Variants in CDH2 observed in about 807,000 individuals in gnomAD.
CDH2 encodes the protein cadherin-2.
CDH2 carries 17 observed loss-of-function variants against 92.0 expected under a neutral mutation model. That is an observed-to-expected ratio of 0.18 (90% CI 0.13 to 0.28). CDH2 has a LOEUF of 0.28. Among genes scored for constraint, CDH2 ranks in the 10% least tolerant of loss-of-function variants. The probability of loss-of-function intolerance (pLI) is 1.00; values close to 1 mark genes in which losing one functional copy is unlikely to be tolerated. For synonymous variants in CDH2, 419 were observed against 415.9 expected (o/e 1.01, Z -0.09); for missense variants, 862 against 1,133.1 (o/e 0.76, Z 3.44).
intron 2 of CDH2, among the ~76,000 whole-genome samples, chr18:28,131,529 A>G (rs563571923): frequency 6.6e-6 from 1 of 152,320 alleles, no homozygotes; most frequent in East Asian, 1.9e-4. Flanking sequence ...CTGACCTAGA[A>G]AAAGCCCTTG....
downstream of CDH2, among the ~76,000 whole-genome samples, chr18:27,948,993 C>A (rs1909344522): frequency 6.6e-6 from 1 of 151,798 alleles, no homozygotes; most frequent in Non-Finnish European, 1.5e-5. Flanking sequence ...CCAGGAATGG[C>A]CTAGAAAAAC....
At chr18:28,009,969 A>C in intron 4 of CDH2, 97 bp from the exon 5 acceptor site, 2 of 864,974 alleles carry the variant, frequency 2.3e-6, no homozygotes, top group East Asian at 2.8e-5. Context: ...TTCAGCTACA[A>C]ACTTATACCA....
rs201205775 is a variant in CDH2, at chr18:28,003,001, C to T, written c.1016G>A (p.Arg339Gln). ...DIITVAAGLDREKVQQYTLII... is the reference protein window; with the variant it reads ...DIITVAAGLDQEKVQQYTLII... Reference sequence around the variant, plus strand: ...TAGAGTTTTTGGTTGGCTTACTTCTCGATCAAGTCCAGCTGCCACTGTGAT... The same window carrying T: ...TAGAGTTTTTGGTTGGCTTACTTCTTGATCAAGTCCAGCTGCCACTGTGAT... The change falls in exon 7 of 16, where the codon CGA (arginine) becomes CAA (glutamine). Residue 339 changes from arginine to glutamine, a missense_variant. Around this residue, in one of 5 missense-constraint regions of CDH2, gnomAD observed 564 missense variants for 722.2 expected, o/e 0.78. Coordinates refer to ENST00000269141, the MANE Select transcript of CDH2 (RefSeq NM_001792.5). 8 of 1,612,958 alleles carry T rather than the reference C, an allele frequency of 5.0e-6. No individual in the cohort carries two copies. The highest frequency in any genetic ancestry group is 3.3e-5 in the Admixed American group (2 of 59,992).
chr18:28,103,397 A>G (rs1402779684), intron 2 of CDH2, among the ~76,000 whole-genome samples: 1 of 147,178 alleles, frequency 6.8e-6, no homozygotes, highest in Non-Finnish European at 1.5e-5. Context: ...AAGTACATAT[A>G]TATAAAGTAT....
At chr18:27,941,324 C>T (rs1041860947) in intron 6 of CDH2, among the ~76,000 whole-genome samples, 10 of 152,054 alleles carry the variant, frequency 6.6e-5, no homozygotes, top group Non-Finnish European at 1.0e-4. Flanking sequence ...TGTGAGCCAC[C>T]GTACCTGGCC....
intron 15 of CDH2, among the ~76,000 whole-genome samples, chr18:27,957,719 C>G (rs1381691204): frequency 1.3e-5 from 2 of 152,132 alleles, no homozygotes; most frequent in Admixed American, 1.3e-4. Flanking sequence ...TCCTGCTCAG[C>G]ATCCTCTTCA....
rs67532914 is a variant in CDH2, at chr18:28,043,890, A to ATTTTTTTTTTTTTT, written c.173-29995_173-29982dup. Among the ~76,000 whole-genome samples, 31 of 91,468 alleles carry ATTTTTTTTTTTTTT rather than the reference A, an allele frequency of 3.4e-4. 2 individuals are homozygous for ATTTTTTTTTTTTTT. The highest frequency in any genetic ancestry group is 5.2e-4 in the Non-Finnish European group (24 of 46,004). The allele number at this position is 91,468 out of a possible 152,430, so 60.0% of individuals were successfully genotyped here. A position where few individuals can be genotyped will look rare whatever the true frequency, so the allele number is the denominator to read the frequency against. ...AGTCTCATCTTTCTCAGAATCTCGG[A>ATTTTTTTTTTTTTT]TTTTTTTTTTTTTTTTTTTTTTTTT... On this transcript the variant is annotated intron_variant, in intron 2 of 15. Transcript: ENST00000269141.
intron 2 of CDH2, among the ~76,000 whole-genome samples, chr18:28,087,664 A>G (rs2144204715): frequency 6.6e-6 from 1 of 152,308 alleles, no homozygotes; most frequent in East Asian, 1.9e-4. Flanking sequence ...TTGTTATATT[A>G]AAAATACTGT....
At chr18:28,039,605 A>G (rs2013909123) in intron 2 of CDH2, among the ~76,000 whole-genome samples, 1 of 152,210 alleles carries the variant, frequency 6.6e-6, no homozygotes, top group Admixed American at 6.5e-5. Flanking sequence ...ATAGGTTTCT[A>G]GCTCACACTT....
At chr18:27,985,381 A>AAAGGCCTTT in intron 12 of CDH2, 147 bp downstream of exon 12, 10 of 777,264 alleles carry the variant, frequency 1.3e-5, no homozygotes, top group Non-Finnish European at 2.0e-5. Flanking sequence ...TTTTGGCCGT[A>AAAGGCCTTT]AAGGCCTTTA....
intron 1 of CDH2, among the ~76,000 whole-genome samples, chr18:28,170,667 T>C (rs1275710833): frequency 2.0e-5 from 3 of 152,156 alleles, no homozygotes; most frequent in Admixed American, 6.5e-5. Flanking sequence ...TTTAGGTTCA[T>C]GACTATTCCC....
At position 28,009,659 on chromosome 18, in the gene CDH2, ACT is replaced by A. The variant is rs775655517; in HGVS notation, c.702+56_702+57del. 288 of 1,521,720 alleles carry A rather than the reference ACT, an allele frequency of 1.9e-4. 1 individual carries two copies. The highest frequency in any genetic ancestry group is 2.5e-4 in the Non-Finnish European group (273 of 1,113,214). The allele number at this position is 1,521,720 out of a possible 1,614,324, so 94.3% of individuals were successfully genotyped here. A position where few individuals can be genotyped will look rare whatever the true frequency, so the allele number is the denominator to read the frequency against. ...AGACTGATATAAGAGGCAATGGTAA[ACT>A]CTGCAGACATTTAGAACTGTTAATA... On this transcript the variant is annotated intron_variant, in intron 5 of 15. Transcript: ENST00000269141.
At chr18:27,966,059 A>AAAT (rs1263905421) in intron 14 of CDH2, among the ~76,000 whole-genome samples, 2 of 151,978 alleles carry the variant, frequency 1.3e-5, no homozygotes, top group African/African-American at 4.8e-5. Flanking sequence ...CTAAAAAATA[A>AAAT]AATATGTTTT....
At chr18:27,967,201 C>A (rs548632876) in intron 14 of CDH2, among the ~76,000 whole-genome samples, 1 of 152,232 alleles carries the variant, frequency 6.6e-6, no homozygotes, top group Non-Finnish European at 1.5e-5. Context: ...TTATCTACTG[C>A]AAATATGGGA....
chr18:28,020,284 A>G (rs2013372700), intron 2 of CDH2, among the ~76,000 whole-genome samples: 1 of 152,108 alleles, frequency 6.6e-6, no homozygotes, highest in South Asian at 2.1e-4. Flanking sequence ...AATCTTAGGT[A>G]TACCAGTAAT....
chr18:27,982,161 C>T (rs1355304761), intron 14 of CDH2, among the ~76,000 whole-genome samples: 1 of 152,152 alleles, frequency 6.6e-6, no homozygotes, highest in Non-Finnish European at 1.5e-5. Flanking sequence ...GAGAGCAGCA[C>T]CTAATGTACT....
rs199813460 is a variant in CDH2 at position 28,116,005 on chromosome 18, CA to C, written c.172+31667del. On this transcript the variant is annotated intron_variant, in intron 2 of 15. Transcript: ENST00000269141. ...TTTATTTAATGAAGTGGTTCTCAAC[CA>C]GGGGTGATTTTGGCTTCTGGTAAAA... is the stretch of plus-strand genomic sequence containing the variant. Among the ~76,000 whole-genome samples the C allele has an allele frequency of 9.1e-3, 1,386 of 152,178 alleles. 19 individuals carry two copies. The highest frequency in any genetic ancestry group is 0.014 in the Non-Finnish European group (921 of 68,008).
intron 7 of CDH2, 54 bp downstream of exon 7, chr18:28,002,943 T>A: frequency 3.5e-6 from 5 of 1,443,794 alleles, no homozygotes; most frequent in Non-Finnish European, 4.9e-6. Context: ...TGATATGATA[T>A]TGTGCACCTT....
intron 7 of CDH2, among the ~76,000 whole-genome samples, chr18:28,000,626 C>T (rs2012736413): frequency 6.6e-6 from 1 of 151,958 alleles, no homozygotes; most frequent in Non-Finnish European, 1.5e-5. Flanking sequence ...AATGGAAAGG[C>T]CAGGAATACT....
Sources: gnomAD v4.1 joint callset for allele counts (sites outside exome capture counted in the v4.1 genomes callset) on GRCh38, gnomAD v4.1.1 for gene constraint, gnomAD v4.1.1 regional missense constraint, MANE v1.5 for transcripts, NCBI Gene and HGNC (gene_info 2026-07-23, HGNC 2026-07-21) for gene names.